CRYAB: variants seen among roughly 807,000 people sequenced by gnomAD.
CRYAB encodes the protein crystallin alpha B.
CRYAB carries 9 observed loss-of-function variants against 12.7 expected under a neutral mutation model. The ratio of observed to expected loss-of-function variants is 0.71; its 90% CI spans 0.43 to 1.24. The LOEUF is 1.24. Among genes scored for constraint, CRYAB ranks in the 50% most tolerant of loss-of-function variants. The pLI, the probability that CRYAB is intolerant of heterozygous loss-of-function variation, is 0.00. For missense variants in CRYAB, 183 were observed against 226.6 expected, an observed-to-expected ratio of 0.81 and a Z score of 1.24; for synonymous variants, 93 against 86.8, an observed-to-expected ratio of 1.07 and a Z score of -0.40.
Position 111,911,668 on chromosome 11 carries a change from G to C in CRYAB, c.57C>G (p.Ser19=), listed in dbSNP as rs11549439. 2 of 1,607,720 alleles carry C rather than the reference G, an allele frequency of 1.2e-6. No individual in the cohort carries two copies. Among genetic ancestry groups the C allele is most frequent in the East Asian group, 2.2e-5 (1 of 44,712 alleles). Reference sequence around the variant, plus strand: ...AGAACTGGTCAAAGAGGCGGCTGGGGGAGTGGAAAGGAAAGAAGGGGCGGC... The same window carrying C: ...AGAACTGGTCAAAGAGGCGGCTGGGCGAGTGGAAAGGAAAGAAGGGGCGGC... The part of the protein sequence containing the change: ...WIRRPFFPFH[S]PSRLFDQFFG... Residue 19 remains serine (S), a synonymous_variant, in exon 1 of 3, where the codon TCC becomes TCG. Transcript: ENST00000650687.
upstream of CRYAB, chr11:111,913,539 T>A: frequency 1.2e-6 from 2 of 1,614,114 alleles, no homozygotes; most frequent in Non-Finnish European, 1.7e-6. Context: ...GGCAGGGGCC[T>A]CCGAGCTTAG....
upstream of CRYAB, chr11:111,913,495 G>A (rs587699399): frequency 4.7e-5 from 76 of 1,613,498 alleles, 1 homozygote; most frequent in Non-Finnish European, 6.2e-5. Context: ...TACTATGTCC[G>A]GCCTCGGGCC....
chr11:111,913,997 A>G, upstream of CRYAB: 1 of 1,015,444 alleles, frequency 9.8e-7, no homozygotes, highest in East Asian at 2.5e-5. Context: ...GGGGAAGGGA[A>G]AGGTGCATGG....
intron 1 of CRYAB, chr11:111,918,952 C>T (rs1026531753): frequency 1.9e-6 from 3 of 1,614,166 alleles, no homozygotes; most frequent in Non-Finnish European, 2.5e-6. Context: ...AACAGCTGGG[C>T]TCCCTTGGAG....
At chr11:111,910,136 T>A in intron 2 of CRYAB, 191 bp downstream of exon 2, 1 of 749,220 alleles carries the variant, frequency 1.3e-6, no homozygotes, top group Non-Finnish European at 2.3e-6. Flanking sequence ...GCCACATCTC[T>A]GGCCATAATA....
At chr11:111,913,027 TCTC>T (rs1295693216), upstream of CRYAB, 4 of 805,686 alleles carry the variant, frequency 5.0e-6, no homozygotes, top group African/African-American at 1.9e-5. Flanking sequence ...GCTTAACTGA[TCTC>T]CTGGGACCAG....
upstream of CRYAB, chr11:111,913,540 C>G: frequency 1.2e-6 from 2 of 1,614,166 alleles, no homozygotes; most frequent in Non-Finnish European, 1.7e-6. Context: ...GCAGGGGCCT[C>G]CGAGCTTAGG....
intron 1 of CRYAB, chr11:111,919,001 G>T (rs1392185328): frequency 6.2e-7 from 1 of 1,614,124 alleles, no homozygotes; most frequent in Non-Finnish European, 8.5e-7. Context: ...TGCGGAGGAA[G>T]CTGGTGAGTA....
chr11:111,911,069 AG>A (rs1965438524), intron 1 of CRYAB, among the ~76,000 whole-genome samples: 1 of 152,210 alleles, frequency 6.6e-6, no homozygotes, highest in African/African-American at 2.4e-5. Context: ...TGAGAAACCC[AG>A]AAAATCATAG....
intron 1 of CRYAB, among the ~76,000 whole-genome samples, chr11:111,922,203 C>A (rs189691414): frequency 6.6e-6 from 1 of 152,306 alleles, no homozygotes; most frequent in African/African-American, 2.4e-5. Context: ...GTTCTCACAG[C>A]TATTCTGACC....
At chr11:111,919,096 C>T in intron 1 of CRYAB, 1 of 1,426,000 alleles carries the variant, frequency 7.0e-7, no homozygotes, top group Non-Finnish European at 9.7e-7. Context: ...TAGTTGTCTG[C>T]CAGCCTCCCA....
chr11:111,915,937 T>C (rs1445757251), upstream of CRYAB, among the ~76,000 whole-genome samples: 1 of 152,112 alleles, frequency 6.6e-6, no homozygotes, highest in Non-Finnish European at 1.5e-5. Flanking sequence ...AGATGAGGTC[T>C]CGCCTTGTTG....
intron 2 of CRYAB, chr11:111,910,116 C>T (rs1253703090): frequency 1.4e-6 from 1 of 717,878 alleles, no homozygotes; most frequent in Non-Finnish European, 2.5e-6. Context: ...CTAAGGCGAT[C>T]AAATCAAAGG....
upstream of CRYAB, among the ~76,000 whole-genome samples, chr11:111,917,134 G>A (rs1339790009): frequency 6.6e-6 from 1 of 152,300 alleles, no homozygotes; most frequent in East Asian, 1.9e-4. Context: ...AAAGCAGTGG[G>A]ATTACAGGCA....
At chr11:111,918,503 AAAT>A (rs1965631754) in intron 1 of CRYAB, among the ~76,000 whole-genome samples, 1 of 152,212 alleles carries the variant, frequency 6.6e-6, no homozygotes, top group Non-Finnish European at 1.5e-5. Context: ...TTCTGTACAA[AAAT>A]AATAAGAAAC....
At chr11:111,913,716 C>A (rs782609126), upstream of CRYAB, 4 of 1,614,178 alleles carry the variant, frequency 2.5e-6, no homozygotes, top group Non-Finnish European at 3.4e-6. Flanking sequence ...CTATGTCCTG[C>A]CTGCTGATGT....
upstream of CRYAB, chr11:111,912,787 T>G (rs1308064722): frequency 6.6e-7 from 1 of 1,504,830 alleles, no homozygotes; most frequent in Admixed American, 1.9e-5. Flanking sequence ...CTGCGCCTGT[T>G]GGGGCTGCAC....
intron 2 of CRYAB, 76 bp from the exon 3 acceptor site, chr11:111,909,043 C>T: frequency 6.9e-7 from 1 of 1,459,308 alleles, no homozygotes; most frequent in South Asian, 1.2e-5. Context: ...ACTCAGGCAT[C>T]CTGATTTCCC....
At chr11:111,913,150 C>T (rs1251888920), upstream of CRYAB, 92 of 607,726 alleles carry the variant, frequency 1.5e-4, no homozygotes, top group Admixed American at 2.6e-3. Flanking sequence ...TGCTCTTTGC[C>T]GGCCTGGGTG....
Sources: allele counts gnomAD v4.1 joint callset (sites outside exome capture counted in the v4.1 genomes callset), GRCh38; gene constraint gnomAD v4.1.1; transcripts MANE v1.5; gene names NCBI Gene and HGNC (gene_info 2026-07-23, HGNC 2026-07-21).